The following NAV1 variants were observed in gnomAD, a reference collection of about 807,000 sequenced individuals.
The protein encoded by NAV1 is pore membrane and/or filament interacting like protein 3.
NAV1 carries 18 observed loss-of-function variants against 175.2 expected under a neutral mutation model. The ratio of observed to expected loss-of-function variants is 0.10; its 90% CI spans 0.07 to 0.15. The LOEUF is 0.15. Among genes scored for constraint, NAV1 ranks in the 10% least tolerant of loss-of-function variants. The pLI is 1.00. For synonymous variants in NAV1, 897 were observed against 978.7 expected (o/e 0.92, Z 1.56); for missense variants, 1,731 against 2,436.6 (o/e 0.71, Z 6.10).
chr1:201,718,433 C>T lies in NAV1; in HGVS notation c.904C>T (p.Arg302Cys), dbSNP rs146415554. 6.0e-5 allele frequency: 93 copies of T among 1,555,000 alleles called. No homozygotes were observed. Among genetic ancestry groups the T allele is most frequent in the Non-Finnish European group, 7.3e-5 (83 of 1,144,666 alleles). ...CTACGACAGCGATGATGCCAACCCA[C>T]GCAGCGTGTCCAGCCTCTCCAACCG... Residue 302 changes from arginine (R) to cysteine (C), a missense_variant, in exon 3 of 30, where the codon CGC (arginine) becomes TGC (cysteine). Around this residue, in one of 13 missense-constraint regions of NAV1, gnomAD observed 487 missense variants for 581.3 expected, o/e 0.84. Coordinates refer to ENST00000367296, the Ensembl canonical transcript of NAV1. This position sits in a 1 kb window ranked among gnomAD's most constrained non-coding sequence, Gnocchi z 4.8.
intron 1 of NAV1, among the ~76,000 whole-genome samples, chr1:201,650,044 C>T (rs1262233681): frequency 6.6e-6 from 1 of 152,232 alleles, no homozygotes; most frequent in African/African-American, 2.4e-5. Flanking sequence ...TCCGATACCT[C>T]AGCCCCGGCT....
In NAV1 at chr1:201,712,777, T is replaced by A. The variant is rs1305755900; in HGVS notation, c.758-40T>A. 3.5e-6 allele frequency: 5 copies of A among 1,417,614 alleles called. No homozygotes were observed. In the Admixed American group the frequency reaches 8.4e-5, roughly 24 times the overall value. The allele number at this position is 1,417,614 out of a possible 1,614,324, so 87.8% of individuals were successfully genotyped here. Reference sequence around the variant, plus strand: ...TGACCCCCAGGATCCCAGCATTAAGTTCTCTTCACTCACCCAGCTCTTCCT... The same window carrying A: ...TGACCCCCAGGATCCCAGCATTAAGATCTCTTCACTCACCCAGCTCTTCCT... On this transcript the variant is annotated intron_variant, in intron 1 of 29. Coordinates refer to ENST00000367296, the Ensembl canonical transcript of NAV1.
At chr1:201,546,271 T>G (rs2102446863) in intron 1 of NAV1, among the ~76,000 whole-genome samples, 1 of 152,360 alleles carries the variant, frequency 6.6e-6, no homozygotes, top group Non-Finnish European at 1.5e-5. Context: ...TGGCTTTTTG[T>G]GCTCTTCATC....
chr1:201,547,565 T>C (rs1665708044), intron 1 of NAV1, among the ~76,000 whole-genome samples: 1 of 152,212 alleles, frequency 6.6e-6, no homozygotes, highest in Non-Finnish European at 1.5e-5. Context: ...TATCATTTCA[T>C]GTAATCGTTC....
chr1:201,722,692 C>T (rs1033820220), intron 3 of NAV1, among the ~76,000 whole-genome samples: 5 of 152,162 alleles, frequency 3.3e-5, no homozygotes, highest in African/African-American at 1.2e-4. Flanking sequence ...TTTTGAGGAA[C>T]CACCATACCG....
At chr1:201,590,798 T>C (rs1667166989) in intron 2 of NAV1, among the ~76,000 whole-genome samples, 1 of 152,110 alleles carries the variant, frequency 6.6e-6, no homozygotes, top group Non-Finnish European at 1.5e-5. Flanking sequence ...GAAAAGCAGA[T>C]GGGAAGGAGT....
At chr1:201,611,898 G>A (rs1301899743) in intron 2 of NAV1, among the ~76,000 whole-genome samples, 2 of 152,200 alleles carry the variant, frequency 1.3e-5, no homozygotes, top group African/African-American at 4.8e-5. Context: ...GGAGATGTGT[G>A]TGTTTGTGTG....
chr1:201,695,602 C>CT (rs1671157402), intron 1 of NAV1, among the ~76,000 whole-genome samples: 1 of 152,226 alleles, frequency 6.6e-6, no homozygotes, highest in Admixed American at 6.5e-5. Flanking sequence ...GAATTTGGCT[C>CT]TATTTACTTG....
rs74136651 is a variant in NAV1 at position 201,623,531 on chromosome 1, C to T, written c.-176C>T. The T allele has an allele frequency of 9.8e-3, 9,673 of 986,168 alleles. 704 individuals are homozygous for T. The African/African-American group carries it at 0.16, about 16-fold the overall frequency. The allele number at this position is 986,168 out of a possible 1,614,324, so 61.1% of individuals were successfully genotyped here. ...CAGGGCAAGCGCCCCTCTCCCTCTC[C>T]GGGGGCCATTAGCTTCTCCTCAGTC... On this transcript the variant is annotated 5_prime_UTR_variant, in exon 1 of 30. Transcript: ENST00000367302.
At chr1:201,715,563 G>A (rs722807) in intron 2 of NAV1, among the ~76,000 whole-genome samples, 22,826 of 152,174 alleles carry the variant, frequency 0.15, 1,872 homozygotes, top group Middle Eastern at 0.24. Context: ...ATGAGGCTGG[G>A]GGCAGGGAGG....
chr1:201,653,942 C>T (rs996337602), intron 1 of NAV1, among the ~76,000 whole-genome samples: 110 of 152,314 alleles, frequency 7.2e-4, no homozygotes, highest in African/African-American at 2.5e-3. Flanking sequence ...CTTTTCTCAC[C>T]GTGTCCAGAA....
intron 15 of NAV1, among the ~76,000 whole-genome samples, chr1:201,799,434 C>G (rs1677698076): frequency 6.6e-6 from 1 of 152,158 alleles, no homozygotes; most frequent in South Asian, 2.1e-4. Flanking sequence ...TAATGCCTAT[C>G]TTTATTTTAT....
Position 201,764,422 on chromosome 1 carries a change from C to G in NAV1, c.1227-15999C>G, listed in dbSNP as rs140228717. Among the ~76,000 whole-genome samples, 241 of 152,302 alleles carry G rather than the reference C, an allele frequency of 1.6e-3. 2 individuals carry two copies. The highest frequency in any genetic ancestry group is 5.6e-3 in the African/African-American group (234 of 41,544). On this transcript the variant is annotated intron_variant, in intron 3 of 29. Coordinates refer to ENST00000367296, the Ensembl canonical transcript of NAV1. ...ACCTTCTCACTGTGTCCTCACATGG[C>G]CTTAACTGTGCACACACAGAAAGAG...
At chr1:201,628,301 G>A (rs1384565830) in intron 1 of NAV1, among the ~76,000 whole-genome samples, 1 of 152,060 alleles carries the variant, frequency 6.6e-6, no homozygotes, top group Non-Finnish European at 1.5e-5. Context: ...AAAGAGCTCA[G>A]CACTGCCTAA....
At chr1:201,590,036 G>T (rs1667142356) in intron 2 of NAV1, among the ~76,000 whole-genome samples, 1 of 152,174 alleles carries the variant, frequency 6.6e-6, no homozygotes, top group Non-Finnish European at 1.5e-5. Context: ...GGGATTACAG[G>T]TGCGCACCAT....
chr1:201,581,089 A>T (rs1666846603), intron 1 of NAV1, among the ~76,000 whole-genome samples: 1 of 152,134 alleles, frequency 6.6e-6, no homozygotes, highest in Non-Finnish European at 1.5e-5. Context: ...GAGGTAGGGA[A>T]TGGGGTAGAG....
rs773016968 is a variant in NAV1, at chr1:201,808,491, G to T, written c.3919G>T (p.Val1307Leu). ...GGAGGAGGAGCCAGAGAAGAAGGAG[G>T]TATCGGAGCTGCGCTCTGAGCTATG... Residue 1307 changes from valine to leucine, a missense_variant, in exon 19 of 30, where the codon GTA becomes TTA. Val to Leu is a conservative substitution (Grantham distance 32). Coordinates refer to ENST00000367296, the Ensembl canonical transcript of NAV1. The surrounding 1 kb of genome is among the most constrained non-coding windows in gnomAD (Gnocchi z 5.5). The T allele has an allele frequency of 6.2e-7, 1 of 1,614,264 alleles. No homozygotes were observed. The highest frequency in any genetic ancestry group is 8.5e-7 in the Non-Finnish European group (1 of 1,180,046).
chr1:201,734,449 A>G lies in NAV1; in HGVS notation c.1226+15694A>G, dbSNP rs867626910. Reference sequence around the variant, plus strand: ...AAGAAGAAGAGGAAGAAGAAGAAGAAGAGGAGGAGGAGGAGGAGGAAGAGG... The same window carrying G: ...AAGAAGAAGAGGAAGAAGAAGAAGAGGAGGAGGAGGAGGAGGAGGAAGAGG... On this transcript the variant is annotated intron_variant, in intron 3 of 29. Coordinates refer to ENST00000367296, the Ensembl canonical transcript of NAV1. 6.0e-3 allele frequency among the ~76,000 whole-genome samples: 841 copies of G among 139,022 alleles called. 8 individuals carry two copies. Among genetic ancestry groups the G allele is most frequent in the African/African-American group, 0.02 (742 of 37,700 alleles). The allele number at this position is 139,022 out of a possible 152,430, so 91.2% of individuals were successfully genotyped here.
At position 201,604,692 on chromosome 1, in the gene NAV1, A is replaced by C. The variant is rs114931673; in HGVS notation, c.-33+16043A>C. On this transcript the variant is annotated intron_variant, in intron 2 of 33. Transcript: ENST00000685211. The stretch of plus-strand genomic sequence containing the variant: ...CAAGACTCTGTCAGAAAAAAAAAAA[A>C]AAGAAGAAGAAAGAAAGAGAAAGGA... Among the ~76,000 whole-genome samples the C allele has an allele frequency of 1.3e-4, 20 of 150,284 alleles. No individual in the cohort carries two copies. The East Asian group carries it at 3.9e-3, about 29-fold the overall frequency.
Sources: allele counts gnomAD v4.1 joint callset (sites outside exome capture counted in the v4.1 genomes callset), GRCh38; gene constraint gnomAD v4.1.1; regional missense constraint gnomAD v4.1.1; non-coding constraint Gnocchi (gnomAD v3.1); transcripts MANE v1.5; gene names NCBI Gene and HGNC (gene_info 2026-07-23, HGNC 2026-07-21).